Variants in ZSCAN1 observed in about 807,000 individuals in gnomAD.
ZSCAN1 encodes zinc finger and SCAN domain containing 1, also known as zinc finger and SCAN domain-containing protein 1.
Under a neutral mutation model 23.8 loss-of-function variants are expected in ZSCAN1, and 23 were observed. The ratio of observed to expected loss-of-function variants is 0.97; its 90% confidence interval spans 0.70 to 1.37. The LOEUF is 1.37. ZSCAN1 is among the 40% of genes most tolerant of loss of function. ZSCAN1 has a pLI of 0.00. For missense variants in ZSCAN1, 575 were observed against 554.0 expected (o/e 1.04, Z -0.38); for synonymous variants, 236 against 232.3 (o/e 1.02, Z -0.15).
At position 58,053,395 on chromosome 19, in the gene ZSCAN1, A is replaced by C; in HGVS notation, c.605-34A>C. Reference sequence around the variant, plus strand: ...AGGGAGATGCCAAGGCCATCCACTCACTACAGGTGACCCATCTCCCTCGCC... The same window carrying C: ...AGGGAGATGCCAAGGCCATCCACTCCCTACAGGTGACCCATCTCCCTCGCC... On this transcript the variant is annotated intron_variant, in intron 5 of 5. Coordinates refer to ENST00000282326, the MANE Select transcript of ZSCAN1 (RefSeq NM_182572.4). The surrounding 1 kb of genome is among the most constrained non-coding windows in gnomAD (Gnocchi z 5.8). 1 of 1,581,558 alleles carries C rather than the reference A, an allele frequency of 6.3e-7. No homozygotes were observed. Among genetic ancestry groups the C allele is most frequent in the Non-Finnish European group, 8.6e-7 (1 of 1,161,968 alleles).
chr19:58,048,467 G>A (rs907094177), intron 4 of ZSCAN1, among the ~76,000 whole-genome samples: 4 of 152,180 alleles, frequency 2.6e-5, no homozygotes, highest in African/African-American at 7.2e-5. Context: ...ACGATGGAGC[G>A]AGACCATGTT....
In ZSCAN1 at chr19:58,054,450, G is replaced by A. The variant is rs1421235887; in HGVS notation, c.*399G>A. 1 of 171,044 alleles carries A rather than the reference G, an allele frequency of 5.8e-6. No individual in the cohort carries two copies. Among genetic ancestry groups the A allele is most frequent in the Non-Finnish European group, 1.2e-5 (1 of 80,894 alleles). 10.6% of individuals were successfully genotyped at this position (171,044 alleles called of 1,614,324 possible). On this transcript the variant is annotated 3_prime_UTR_variant, in exon 6 of 6. Transcript: ENST00000282326. The surrounding 1 kb of genome is among the most constrained non-coding windows in gnomAD (Gnocchi z 4.2). ...GATATCCCTGAGGCCATGAGGGTGG[G>A]AGCCGGCCTGGGCAGCTCCAACTCC...
intron 4 of ZSCAN1, chr19:58,044,666 CG>C: frequency 1.2e-6 from 1 of 804,276 alleles, no homozygotes; most frequent in Non-Finnish European, 2.1e-6. Flanking sequence ...CACCGCCCCG[CG>C]GGGTAGTCCG....
chr19:58,035,937 C>G (rs904229882), intron 1 of ZSCAN1, 33 bp from the exon 2 acceptor site: 5 of 81,660 alleles, frequency 6.1e-5, no homozygotes, highest in Non-Finnish European at 1.5e-4. Flanking sequence ...CTAAAGATGT[C>G]TTGTTTTGTT....
chr19:58,046,483 G>A (rs1040172996), intron 4 of ZSCAN1: 8 of 856,420 alleles, frequency 9.3e-6, no homozygotes, highest in Admixed American at 1.7e-5. Context: ...GGCCAAGGGC[G>A]TGCCCATGGG....
intron 4 of ZSCAN1, among the ~76,000 whole-genome samples, chr19:58,042,443 A>G (rs1315600207): frequency 6.6e-6 from 1 of 151,994 alleles, no homozygotes. Flanking sequence ...TATTTTTAGT[A>G]GAGACGGGGT....
At chr19:58,055,428 C>T (rs776124429), downstream of ZSCAN1, among the ~76,000 whole-genome samples, 2 of 152,238 alleles carry the variant, frequency 1.3e-5, no homozygotes, top group Non-Finnish European at 2.9e-5. Context: ...GCATCCCCAG[C>T]TTTTCCCTGC....
In ZSCAN1 at chr19:58,034,093, T is replaced by A. The variant is rs969133376; in HGVS notation, c.-220T>A. ...GCGGGGATGGGGTCCGCCCGCGGCGTTGGGCGCGCTCGCCAGCCCAGGGGT... is the reference window on the plus strand; with the variant it reads ...GCGGGGATGGGGTCCGCCCGCGGCGATGGGCGCGCTCGCCAGCCCAGGGGT... On this transcript the variant is annotated 5_prime_UTR_variant, in exon 1 of 6. In the 5' UTR this introduces an upstream ATG that the reference lacks. Coordinates refer to ENST00000282326, the MANE Select transcript of ZSCAN1 (RefSeq NM_182572.4). 1 of 151,522 alleles carries A rather than the reference T, an allele frequency of 6.6e-6. No homozygotes were observed. Among genetic ancestry groups the A allele is most frequent in the Non-Finnish European group, 1.5e-5 (1 of 67,866 alleles). The allele number at this position is 151,522 out of a possible 1,614,324, so 9.4% of individuals were successfully genotyped here. A position where few individuals can be genotyped will look rare whatever the true frequency, so the allele number is the denominator to read the frequency against.
chr19:58,038,974 GA>G (rs1382104493), intron 3 of ZSCAN1, among the ~76,000 whole-genome samples: 1 of 152,270 alleles, frequency 6.6e-6, no homozygotes, highest in Non-Finnish European at 1.5e-5. Flanking sequence ...CTGGGAGTGA[GA>G]AGGGTTGCAT....
Position 58,053,993 on chromosome 19 carries a change from C to T in ZSCAN1, c.1169C>T (p.Pro390Leu). 6.3e-7 allele frequency: 1 copy of T among 1,576,780 alleles called. No homozygotes were observed. Reference sequence around the variant, plus strand: ...TGTAGCGTCTGCGGGAAGGCCTTCCCCTGGATGGTCCACCTCATTGACCAC... The same window carrying T: ...TGTAGCGTCTGCGGGAAGGCCTTCCTCTGGATGGTCCACCTCATTGACCAC... ...FQCSVCGKAF[P>L]WMVHLIDHQK... is the part of the protein sequence containing the mutation. The change falls in exon 6 of 6, where the codon CCC becomes CTC. Residue 390 changes from proline to leucine, a missense_variant. Coordinates refer to ENST00000282326, the MANE Select transcript of ZSCAN1 (RefSeq NM_182572.4). The surrounding 1 kb of genome is among the most constrained non-coding windows in gnomAD (Gnocchi z 5.8).
intron 4 of ZSCAN1, among the ~76,000 whole-genome samples, chr19:58,044,359 G>C (rs1265822916): frequency 6.6e-6 from 1 of 151,924 alleles, no homozygotes; most frequent in East Asian, 1.9e-4. Context: ...TATGCTCTGG[G>C]GGCAGCAGAA....
At position 58,046,660 on chromosome 19, in the gene ZSCAN1, G is replaced by A. The variant is rs111652851; in HGVS notation, c.466-5830G>A. ...GATTGAGCTGGTGGACAAAGAAGAT[G>A]TTCACGTCTCCACCAGTCAGGTGGC... On this transcript the variant is annotated intron_variant, in intron 4 of 5. Transcript: ENST00000282326. 1,372 of 868,442 alleles carry A rather than the reference G, an allele frequency of 1.6e-3. 13 individuals carry two copies. The African/African-American group carries it at 0.02, about 12-fold the overall frequency. 53.8% of individuals were successfully genotyped at this position (868,442 alleles called of 1,614,324 possible).
chr19:58,037,974 C>T lies in ZSCAN1; in HGVS notation c.138C>T (p.Tyr46=). The change falls in exon 3 of 6, where the codon TAC becomes TAT. Residue 46 remains tyrosine (Y), a synonymous_variant. Transcript: ENST00000282326. ...GTCTGCGCTTCCGGCAGTTCCAGTA[C>T]CACGTGGCGAGCGGGCCGCACCTCG... ...AQRLRFRQFQ[Y]HVASGPHLAL... is the part of the protein sequence containing the mutation. 2 of 1,607,138 alleles carry T rather than the reference C, an allele frequency of 1.2e-6. No individual in the cohort carries two copies. The highest frequency in any genetic ancestry group is 1.7e-6 in the Non-Finnish European group (2 of 1,179,528).
intron 4 of ZSCAN1, among the ~76,000 whole-genome samples, chr19:58,050,063 T>C (rs559581677): frequency 7.9e-5 from 12 of 151,744 alleles, no homozygotes; most frequent in Non-Finnish European, 1.5e-4. Flanking sequence ...TACTCCACCA[T>C]CTTGGTGATG....
At position 58,047,116 on chromosome 19, in the gene ZSCAN1, A is replaced by G. The variant is rs2123435111; in HGVS notation, c.466-5374A>G. On this transcript the variant is annotated intron_variant, in intron 4 of 5. Coordinates refer to ENST00000282326, the MANE Select transcript of ZSCAN1 (RefSeq NM_182572.4). The surrounding 1 kb of genome is among the most constrained non-coding windows in gnomAD (Gnocchi z 4.9). ...CCTGTGCCCAGGGAGGAGAATGAGGACCACATGGACTCTGCCCACACGGAG... is the reference window on the plus strand; with the variant it reads ...CCTGTGCCCAGGGAGGAGAATGAGGGCCACATGGACTCTGCCCACACGGAG... Among the ~76,000 whole-genome samples, 1 of 152,214 alleles carries G rather than the reference A, an allele frequency of 6.6e-6. No individual in the cohort carries two copies. Among genetic ancestry groups the G allele is most frequent in the South Asian group, 2.1e-4 (1 of 4,812 alleles).
chr19:58,036,471 T>G (rs1333921606), intron 2 of ZSCAN1, among the ~76,000 whole-genome samples: 1 of 152,096 alleles, frequency 6.6e-6, no homozygotes, highest in Admixed American at 6.6e-5. Flanking sequence ...TTCACCATAG[T>G]CGGCTTGGAA....
chr19:58,051,731 C>T (rs1309738140), intron 4 of ZSCAN1, among the ~76,000 whole-genome samples: 2 of 152,322 alleles, frequency 1.3e-5, no homozygotes, highest in East Asian at 1.9e-4. Flanking sequence ...TCCTTTGACA[C>T]GACTCCGTTG....
intron 5 of ZSCAN1, 148 bp downstream of exon 5, chr19:58,052,776 A>T: frequency 8.0e-7 from 1 of 1,244,156 alleles, no homozygotes; most frequent in Non-Finnish European, 1.1e-6. Context: ...TCCTGTGAGG[A>T]CTGAGATCTG....
chr19:58,038,399 GA>G (rs2073757914), intron 3 of ZSCAN1, 193 bp downstream of exon 3: 1 of 705,238 alleles, frequency 1.4e-6, no homozygotes, highest in African/African-American at 1.8e-5. Flanking sequence ...CATCTGCCTC[GA>G]ATTTCTCACT....
Sources: allele counts gnomAD v4.1 joint callset (sites outside exome capture counted in the v4.1 genomes callset), GRCh38; gene constraint gnomAD v4.1.1; non-coding constraint Gnocchi (gnomAD v3.1); transcripts MANE v1.5; gene names NCBI Gene and HGNC (gene_info 2026-07-23, HGNC 2026-07-21).